Variants in NXN observed in about 807,000 individuals in gnomAD.
The protein encoded by NXN is nucleoredoxin 1.
Under a neutral mutation model 48.6 loss-of-function variants are expected in NXN, and 16 were observed. That is an observed-to-expected ratio of 0.33 (90% confidence interval 0.22 to 0.50). NXN has a LOEUF of 0.50. Among genes scored for constraint, NXN ranks in the 20% least tolerant of loss-of-function variants. The probability of loss-of-function intolerance (pLI) is 0.98; values close to 1 mark genes in which losing one functional copy is unlikely to be tolerated. For missense variants in NXN, 492 were observed against 605.5 expected (o/e 0.81, Z 1.97); for synonymous variants, 281 against 269.6 (o/e 1.04, Z -0.41).
At chr17:817,816 A>C (rs373581146) in intron 5 of NXN, among the ~76,000 whole-genome samples, 24 of 152,236 alleles carry the variant, frequency 1.6e-4, no homozygotes, top group African/African-American at 5.3e-4. Flanking sequence ...TACAGCTGAC[A>C]AGCATCTGCC....
intron 1 of NXN, among the ~76,000 whole-genome samples, chr17:865,931 T>C (rs1391338140): frequency 6.6e-6 from 1 of 151,606 alleles, no homozygotes; most frequent in Non-Finnish European, 1.5e-5. Flanking sequence ...TGCAGTGAGC[T>C]AAGATCGCGG....
At chr17:972,468 A>G (rs887044209) in intron 1 of NXN, among the ~76,000 whole-genome samples, 3 of 151,938 alleles carry the variant, frequency 2.0e-5, no homozygotes, top group African/African-American at 7.3e-5. Context: ...GCGAGACTCC[A>G]TCTGAAAAAA....
intron 5 of NXN, among the ~76,000 whole-genome samples, chr17:812,801 C>T (rs1374084527): frequency 2.5e-5 from 3 of 120,412 alleles, no homozygotes; most frequent in East Asian, 2.5e-4. Context: ...GGTGTGTGTG[C>T]GTGAGTGTAG....
intron 7 of NXN, among the ~76,000 whole-genome samples, chr17:803,108 G>A (rs910049589): frequency 2.0e-5 from 3 of 152,198 alleles, no homozygotes; most frequent in African/African-American, 4.8e-5. Flanking sequence ...GCGGGAGGGC[G>A]CTCTGCTGAA....
At chr17:811,739 C>A (rs1912024455) in intron 5 of NXN, among the ~76,000 whole-genome samples, 1 of 152,072 alleles carries the variant, frequency 6.6e-6, no homozygotes, top group Non-Finnish European at 1.5e-5. Context: ...GCAGAGGCCG[C>A]CACCCTGTGA....
At position 954,671 on chromosome 17, in the gene NXN, C is replaced by T. The variant is rs1283304303; in HGVS notation, c.360+24648G>A. 2.6e-5 allele frequency among the ~76,000 whole-genome samples: 4 copies of T among 152,210 alleles called. No individual in the cohort carries two copies. The East Asian group carries it at 7.7e-4, about 29-fold the overall frequency. On this transcript the variant is annotated intron_variant, in intron 1 of 7. Coordinates refer to ENST00000336868, the MANE Select transcript of NXN (RefSeq NM_022463.5). ...GTCGCAGCTGTCCCTCAACACCACT[C>T]GGGAAGGGGGCTAACTGCCCGGACG...
rs1293693984 is a variant in NXN, at chr17:844,256, C to T, written c.361-18178G>A. 2.0e-5 allele frequency among the ~76,000 whole-genome samples: 3 copies of T among 150,852 alleles called. No individual in the cohort carries two copies. In the South Asian group the frequency reaches 6.3e-4, roughly 32 times the overall value. On this transcript the variant is annotated intron_variant, in intron 1 of 7. Coordinates refer to ENST00000336868, the MANE Select transcript of NXN (RefSeq NM_022463.5). ...TGGGAGACCAGGCCATCCTACGTCC[C>T]GTCCCACCCATCCTTAGCTGGAAGG...
chr17:959,273 T>C (rs559434543), intron 1 of NXN: 29 of 491,280 alleles, frequency 5.9e-5, no homozygotes, highest in African/African-American at 4.2e-4. Flanking sequence ...TTCCCCTCCA[T>C]GACTCCTGGA....
At chr17:862,313 C>T (rs991202570) in intron 1 of NXN, among the ~76,000 whole-genome samples, 2 of 152,164 alleles carry the variant, frequency 1.3e-5, no homozygotes, top group Admixed American at 6.5e-5. Context: ...ACCAGGAATT[C>T]GGGATCAGCT....
chr17:941,419 G>A (rs1310122429), intron 1 of NXN, among the ~76,000 whole-genome samples: 4 of 145,058 alleles, frequency 2.8e-5, no homozygotes, highest in South Asian at 2.2e-4. Flanking sequence ...GATTTACAGC[G>A]AACAAGATTC....
chr17:812,863 T>G (rs1328160362), intron 5 of NXN, among the ~76,000 whole-genome samples: 1 of 76,306 alleles, frequency 1.3e-5, no homozygotes, highest in Non-Finnish European at 2.8e-5. Context: ...TGTGTGTAGG[T>G]GTGTGTGGGT....
intron 1 of NXN, among the ~76,000 whole-genome samples, chr17:926,742 G>T (rs371423532): frequency 1.8e-3 from 1 of 558 alleles, no homozygotes; most frequent in Non-Finnish European, 0.021. Context: ...ATGGGGTTTC[G>T]TCATGTTCCC....
intron 1 of NXN, chr17:959,239 TC>T: frequency 1.2e-6 from 1 of 867,306 alleles, no homozygotes; most frequent in Non-Finnish European, 1.6e-6. Flanking sequence ...ATACCCCAGC[TC>T]CCAGCCCCTC....
chr17:889,727 G>C (rs570761951), intron 1 of NXN, among the ~76,000 whole-genome samples: 28 of 67,304 alleles, frequency 4.2e-4, no homozygotes, highest in African/African-American at 2.1e-3. Context: ...AAGAAAGAAA[G>C]AAAGAAAGAA....
At position 919,228 on chromosome 17, in the gene NXN, T is replaced by A. The variant is rs1220675191; in HGVS notation, c.360+60091A>T. Among the ~76,000 whole-genome samples, 3 of 152,066 alleles carry A rather than the reference T, an allele frequency of 2.0e-5. No individual in the cohort carries two copies. Among genetic ancestry groups the A allele is most frequent in the African/African-American group, 4.8e-5 (2 of 41,416 alleles). On this transcript the variant is annotated intron_variant, in intron 1 of 7. Transcript: ENST00000336868. The surrounding 1 kb of genome is among the most constrained non-coding windows in gnomAD (Gnocchi z 5.1). ...AAATACAAAAATCAGCCGGGCGTCATGGCGGGCACCTGTAGTCCCAGTTCC... is the reference window on the plus strand; with the variant it reads ...AAATACAAAAATCAGCCGGGCGTCAAGGCGGGCACCTGTAGTCCCAGTTCC...
At chr17:979,274 G>GGGCGTGGGGGGCGGGCAGGGGTAACT (rs2069506332) in intron 1 of NXN, 45 bp downstream of exon 1, 1 of 1,365,556 alleles carries the variant, frequency 7.3e-7, no homozygotes, top group Non-Finnish European at 9.5e-7. Flanking sequence ...CAGGGGTAAC[G>GGGCGTGGGGGGCGGGCAGGGGTAACT]GGCGTGGGGG....
rs1010809227 is a variant in NXN at position 917,990 on chromosome 17, G to C, written c.360+61329C>G. Among the ~76,000 whole-genome samples the C allele has an allele frequency of 4.6e-5, 7 of 152,214 alleles. No individual in the cohort carries two copies. The highest frequency in any genetic ancestry group is 1.4e-4 in the African/African-American group (6 of 41,448). On this transcript the variant is annotated intron_variant, in intron 1 of 7. Coordinates refer to ENST00000336868, the MANE Select transcript of NXN (RefSeq NM_022463.5). The surrounding 1 kb of genome is among the most constrained non-coding windows in gnomAD (Gnocchi z 4.5). ...TATGGAAGACACATGGCTCACGGCA[G>C]GGCCCGGCACATCACAAAAACTCAC...
rs183734222 is a variant in NXN, at chr17:832,754, G to A, written c.361-6676C>T. On this transcript the variant is annotated intron_variant, in intron 1 of 7. Coordinates refer to ENST00000336868, the MANE Select transcript of NXN (RefSeq NM_022463.5). The stretch of plus-strand genomic sequence containing the variant: ...TTCCCTCCCTCCCTAAAGATTCCCC[G>A]TTCCTTTCTGGTTGCATCTCAGGAG... Among the ~76,000 whole-genome samples, 945 of 152,026 alleles carry A rather than the reference G, an allele frequency of 6.2e-3. 6 individuals carry two copies. The highest frequency in any genetic ancestry group is 0.01 in the Non-Finnish European group (689 of 68,010).
At chr17:935,419 A>G (rs2068897710) in intron 1 of NXN, among the ~76,000 whole-genome samples, 1 of 152,124 alleles carries the variant, frequency 6.6e-6, no homozygotes, top group African/African-American at 2.4e-5. Context: ...CCCCCAGCTG[A>G]AGAACACTGA....
Sources: gnomAD v4.1 joint callset for allele counts (sites outside exome capture counted in the v4.1 genomes callset) on GRCh38, gnomAD v4.1.1 for gene constraint, Gnocchi (gnomAD v3.1) non-coding constraint, MANE v1.5 for transcripts, NCBI Gene and HGNC (gene_info 2026-07-23, HGNC 2026-07-21) for gene names.